DAZL: variants seen among roughly 807,000 people sequenced by gnomAD.
The protein encoded by DAZL is deleted in azoospermia like.
In DAZL, 4 loss-of-function variants were observed where a neutral mutation model predicts 45.0. The observed-to-expected ratio is 0.09, with a 90% CI of 0.04 to 0.20. The LOEUF (loss-of-function observed/expected upper bound fraction) is 0.20, where lower values mean the gene tolerates loss of function less well. Among genes scored for constraint, DAZL ranks in the 10% least tolerant of loss-of-function variants. DAZL has a pLI of 1.00. For synonymous variants in DAZL, 122 were observed against 112.4 expected (o/e 1.09, Z -0.54); for missense variants, 326 against 351.3 (o/e 0.93, Z 0.58).
At chr3:16,597,982 A>G in intron 3 of DAZL, 105 bp downstream of exon 3, 3 of 1,208,856 alleles carry the variant, frequency 2.5e-6, no homozygotes, top group Non-Finnish European at 3.5e-6. Context: ...GAAAGAAATT[A>G]ACACAGCAAC....
intron 1 of DAZL, among the ~76,000 whole-genome samples, chr3:16,600,136 G>A (rs1296826989): frequency 2.0e-5 from 3 of 152,066 alleles, no homozygotes; most frequent in Admixed American, 2.0e-4. Context: ...AGTGCCTGTT[G>A]ACTACAAAAG....
rs1694634630 is a variant in DAZL at position 16,598,519 on chromosome 3, T to C, written c.83A>G (p.Gln28Arg). 2 of 1,607,780 alleles carry C rather than the reference T, an allele frequency of 1.2e-6. No individual in the cohort carries two copies. The highest frequency in any genetic ancestry group is 1.7e-6 in the Non-Finnish European group (2 of 1,179,206). ...TTTGCCTTCTGGTAAAATATAGCCT[T>C]GGCTGGTTGCAGCTGATGAGGACTG... ...STQSSSAATSQGYILPEGKIM... is the reference protein window; with the variant it reads ...STQSSSAATSRGYILPEGKIM... The change falls in exon 2 of 11, where the codon CAA becomes CGA. Residue 28 changes from glutamine (Q) to arginine (R), a missense_variant. By Grantham distance (43) the Gln-to-Arg change is conservative (BLOSUM62 1). Transcript: ENST00000399444.
At chr3:16,592,258 C>T in intron 9 of DAZL, 110 bp from the exon 10 acceptor site, 2 of 1,480,340 alleles carry the variant, frequency 1.4e-6, no homozygotes, top group Non-Finnish European at 9.3e-7. Context: ...TAAAGAAATG[C>T]AAAAAATGCT....
In DAZL at chr3:16,604,533, G is replaced by A. The variant is rs952981335; in HGVS notation, c.3+670C>T. The A allele has an allele frequency of 6.7e-5, 98 of 1,472,574 alleles. 1 individual carries two copies. In the Admixed American group the frequency reaches 2.2e-3, roughly 33 times the overall value. The allele number at this position is 1,472,574 out of a possible 1,614,324, so 91.2% of individuals were successfully genotyped here. ...AGTCCCCCGCAGCTGACAGGCGCGA[G>A]GGGACCAGAGGCACTTCCGGCCCAG... is the stretch of plus-strand genomic sequence containing the variant. On this transcript the variant is annotated intron_variant, in intron 1 of 10. Coordinates refer to ENST00000399444, the MANE Select transcript of DAZL (RefSeq NM_001351.4).
intron 1 of DAZL, chr3:16,604,416 T>G (rs1388871491): frequency 1.3e-6 from 2 of 1,519,924 alleles, no homozygotes; most frequent in Middle Eastern, 3.4e-4. Flanking sequence ...TCTAAAATTC[T>G]TAATGGTAAC....
At chr3:16,603,833 CTA>C (rs1248091578) in intron 1 of DAZL, among the ~76,000 whole-genome samples, 1 of 152,128 alleles carries the variant, frequency 6.6e-6, no homozygotes, top group Non-Finnish European at 1.5e-5. Context: ...GTTGGCCCAT[CTA>C]TATGCAATAC....
Position 16,594,563 on chromosome 3 carries a change from A to G in DAZL, c.591T>C (p.Val197=). ...GTACAACATAGCTCCTTTGCTCCCC[A>G]ACAGGCCACTGTGGTGGCATCTTAA... The part of the protein sequence containing the change: ...YNYQMPPQWP[V]GEQRSYVVPP... Residue 197 remains valine, a synonymous_variant, in exon 8 of 11, where the codon GTT becomes GTC. Transcript: ENST00000399444. 1 of 1,592,438 alleles carries G rather than the reference A, an allele frequency of 6.3e-7. No individual in the cohort carries two copies. The highest frequency in any genetic ancestry group is 2.2e-5 in the East Asian group (1 of 44,534).
intron 8 of DAZL, among the ~76,000 whole-genome samples, chr3:16,594,041 C>A (rs1694560622): frequency 6.6e-6 from 1 of 152,166 alleles, no homozygotes; most frequent in Admixed American, 6.5e-5. Context: ...AATTTTAACA[C>A]TTATTATATC....
intron 10 of DAZL, among the ~76,000 whole-genome samples, chr3:16,589,819 T>C (rs1694490405): frequency 6.6e-6 from 1 of 152,032 alleles, no homozygotes; most frequent in Non-Finnish European, 1.5e-5. Flanking sequence ...TCCCAGCACT[T>C]TGGGAGGCTG....
chr3:16,597,160 TGATAACTACACACCAAATTA>T (rs1694613115), intron 4 of DAZL, 109 bp from the exon 5 acceptor site: 7 of 1,282,902 alleles, frequency 5.5e-6, no homozygotes, highest in Middle Eastern at 5.4e-4. Flanking sequence ...AGAAGATCAG[TGATAACTACACACCAAATTA>T]AAATTTGTCA....
At chr3:16,599,482 CAT>C (rs1694650686) in intron 1 of DAZL, among the ~76,000 whole-genome samples, 2 of 152,152 alleles carry the variant, frequency 1.3e-5, no homozygotes, top group African/African-American at 4.8e-5. Context: ...TATTTGCTCA[CAT>C]GTCACAGCTC....
chr3:16,594,783 T>A (rs1241877170), intron 7 of DAZL, among the ~76,000 whole-genome samples, 200 bp from the exon 8 acceptor site: 1 of 152,250 alleles, frequency 6.6e-6, no homozygotes, highest in Middle Eastern at 3.4e-3. Flanking sequence ...CCTCACCTTT[T>A]TCCCAATTTT....
intron 1 of DAZL, chr3:16,604,756 GA>G: frequency 5.1e-6 from 7 of 1,361,772 alleles, no homozygotes; most frequent in Non-Finnish European, 5.6e-6. Context: ...GAGCGCGCCA[GA>G]AATGAGGCTG....
chr3:16,604,511 C>T (rs1326593404), intron 1 of DAZL: 3 of 1,513,936 alleles, frequency 2.0e-6, no homozygotes, highest in South Asian at 2.5e-5. Context: ...ATCAGCAAGT[C>T]CCCCGCAGCT....
chr3:16,591,026 A>G (rs1331908432), intron 10 of DAZL, among the ~76,000 whole-genome samples: 5 of 152,226 alleles, frequency 3.3e-5, no homozygotes, highest in Non-Finnish European at 7.3e-5. Flanking sequence ...TCTCAATTAT[A>G]TATTTCAATA....
intron 7 of DAZL, 64 bp from the exon 8 acceptor site, chr3:16,594,647 C>T (rs1316336297): frequency 1.0e-4 from 115 of 1,135,096 alleles, no homozygotes; most frequent in Non-Finnish European, 1.2e-4. Context: ...CAAAAACACA[C>T]GAGATACACA....
At chr3:16,601,238 C>A (rs1026797211) in intron 1 of DAZL, among the ~76,000 whole-genome samples, 2 of 152,078 alleles carry the variant, frequency 1.3e-5, no homozygotes, top group Non-Finnish European at 2.9e-5. Context: ...AAGAGTAAAA[C>A]GGATACTTGG....
At chr3:16,602,602 G>A (rs994990125) in intron 1 of DAZL, among the ~76,000 whole-genome samples, 1 of 152,086 alleles carries the variant, frequency 6.6e-6, no homozygotes, top group Non-Finnish European at 1.5e-5. Flanking sequence ...AGCCATCCCT[G>A]CCCTCAACAC....
At position 16,593,662 on chromosome 3, in the gene DAZL, G is replaced by A. The variant is rs1303857311; in HGVS notation, c.728C>T (p.Pro243Leu). The A allele has an allele frequency of 1.9e-6, 3 of 1,602,314 alleles. No individual in the cohort carries two copies. The highest frequency in any genetic ancestry group is 2.2e-5 in the South Asian group (2 of 89,724). ...ACAAAATTAGATGTTTGCCTTTTGT[G>A]GGCCATTTCCAGAGGGTGGAGTAGC... The part of the protein sequence containing the change: ...HEATPPSGNG[P>L]QKKSVDRSIQ... Residue 243 changes from proline to leucine, a missense_variant, in exon 9 of 11, where the codon CCA becomes CTA. Transcript: ENST00000399444.
Sources: gnomAD v4.1 joint callset for allele counts (sites outside exome capture counted in the v4.1 genomes callset) on GRCh38, gnomAD v4.1.1 for gene constraint, MANE v1.5 for transcripts, NCBI Gene and HGNC (gene_info 2026-07-23, HGNC 2026-07-21) for gene names.